The following MTHFD1L variants were observed in gnomAD, a reference collection of about 807,000 sequenced individuals.
MTHFD1L encodes monofunctional C1-tetrahydrofolate synthase, mitochondrial.
MTHFD1L carries 81 observed loss-of-function variants against 119.5 expected under a neutral mutation model. The observed-to-expected ratio is 0.68, with a 90% CI of 0.57 to 0.82. The LOEUF is 0.82. Ranked by LOEUF, MTHFD1L falls within the 40% of genes least tolerant of loss-of-function variation. The pLI is 0.00. For missense variants in MTHFD1L, 1,125 were observed against 1,253.4 expected (o/e 0.90, Z 1.55); for synonymous variants, 430 against 475.2 (o/e 0.90, Z 1.24).
chr6:150,885,547 T>C, intron 5 of MTHFD1L, 87 bp from the exon 6 acceptor site: 2 of 893,670 alleles, frequency 2.2e-6, no homozygotes, highest in Non-Finnish European at 3.7e-6. Context: ...ACTTGGATGT[T>C]ATTTGGGGTT....
intron 16 of MTHFD1L, among the ~76,000 whole-genome samples, chr6:150,955,501 T>G (rs1245945046): frequency 1.3e-5 from 1 of 77,994 alleles, no homozygotes; most frequent in Non-Finnish European, 2.9e-5. Context: ...TTGGGTTTTT[T>G]TTTTTTTTTT....
intron 20 of MTHFD1L, among the ~76,000 whole-genome samples, chr6:150,994,078 A>G (rs1779424264): frequency 7.6e-5 from 9 of 118,088 alleles, no homozygotes; most frequent in African/African-American, 4.1e-4. Context: ...AAAAAAAAAA[A>G]AAGAAAGAAA....
At chr6:150,889,871 A>G (rs13201018) in intron 7 of MTHFD1L, among the ~76,000 whole-genome samples, 9,796 of 152,202 alleles carry the variant, frequency 0.064, 389 homozygotes, top group Non-Finnish European at 0.085. Flanking sequence ...AATATATATG[A>G]TATGGCCAGG....
At chr6:151,086,211 G>T (rs118073077) in intron 26 of MTHFD1L, among the ~76,000 whole-genome samples, 1 of 152,248 alleles carries the variant, frequency 6.6e-6, no homozygotes, top group East Asian at 1.9e-4. Flanking sequence ...TCTCTACTAA[G>T]TCAAGCAAAT....
intron 8 of MTHFD1L, among the ~76,000 whole-genome samples, chr6:150,907,495 G>A (rs1786128559): frequency 6.6e-6 from 1 of 152,206 alleles, no homozygotes; most frequent in South Asian, 2.1e-4. Flanking sequence ...GCCAGGATGG[G>A]ATGTGAAAAC....
intron 20 of MTHFD1L, among the ~76,000 whole-genome samples, chr6:150,992,211 G>A (rs1779151623): frequency 6.6e-6 from 1 of 152,202 alleles, no homozygotes; most frequent in Non-Finnish European, 1.5e-5. Flanking sequence ...AGATGTGCAC[G>A]TGGTATAACC....
At chr6:150,876,608 G>T (rs554776208) in intron 2 of MTHFD1L, among the ~76,000 whole-genome samples, 9 of 152,290 alleles carry the variant, frequency 5.9e-5, no homozygotes, top group Admixed American at 2.6e-4. Flanking sequence ...AACTTAATGG[G>T]ACAAAAGTCA....
intron 7 of MTHFD1L, among the ~76,000 whole-genome samples, chr6:150,897,907 C>T (rs1275820659): frequency 1.3e-5 from 2 of 152,208 alleles, no homozygotes; most frequent in Non-Finnish European, 2.9e-5. Flanking sequence ...TGCAATGGTG[C>T]AATCTCAGCT....
At chr6:151,081,845 A>G (rs1793219580) in intron 26 of MTHFD1L, among the ~76,000 whole-genome samples, 2 of 152,196 alleles carry the variant, frequency 1.3e-5, no homozygotes, top group Non-Finnish European at 2.9e-5. Flanking sequence ...TGCGCCTTTG[A>G]TAACAAGCTG....
intron 24 of MTHFD1L, among the ~76,000 whole-genome samples, chr6:151,018,717 A>AC (rs543765483): frequency 1.6e-4 from 24 of 151,984 alleles, no homozygotes; most frequent in African/African-American, 5.1e-4. Flanking sequence ...TGACTGAGTG[A>AC]CCCCCCTGAA....
At chr6:151,003,844 G>C (rs1334286993) in intron 20 of MTHFD1L, among the ~76,000 whole-genome samples, 1 of 152,098 alleles carries the variant, frequency 6.6e-6, no homozygotes, top group African/African-American at 2.4e-5. Context: ...GGGACCGGGG[G>C]CACCACACTG....
At chr6:150,944,388 C>G in intron 13 of MTHFD1L, 98 bp from the exon 14 acceptor site, 1 of 833,054 alleles carries the variant, frequency 1.2e-6, no homozygotes, top group South Asian at 1.6e-5. Flanking sequence ...TTTGAGAATA[C>G]AGTGAGCTAT....
intron 20 of MTHFD1L, among the ~76,000 whole-genome samples, chr6:150,988,613 G>A (rs1215147717): frequency 6.6e-6 from 1 of 151,836 alleles, no homozygotes; most frequent in African/African-American, 2.4e-5. Flanking sequence ...TTTGTGGGGG[G>A]GGCGGGAGCG....
Position 150,866,059 on chromosome 6 carries a change from G to C in MTHFD1L, c.227+10G>C, listed in dbSNP as rs750082019. ...GGGACTCCATCGTCAGGTGAGTGTC[G>C]GGTCTGGCCCTGGCCCAGGTCTCCA... is the stretch of plus-strand genomic sequence containing the variant. On this transcript the variant is annotated intron_variant, in intron 1 of 27. Coordinates refer to ENST00000367321, the MANE Select transcript of MTHFD1L (RefSeq NM_015440.5). 1.3e-5 allele frequency: 19 copies of C among 1,473,154 alleles called. No homozygotes were observed. The highest frequency in any genetic ancestry group is 1.6e-5 in the Non-Finnish European group (18 of 1,119,720). 91.3% of individuals were successfully genotyped at this position (1,473,154 alleles called of 1,614,324 possible). A position where few individuals can be genotyped will look rare whatever the true frequency, so the allele number is the denominator to read the frequency against.
In MTHFD1L at chr6:150,909,885, G is replaced by T. The variant is rs547908084; in HGVS notation, c.892+4124G>T. Among the ~76,000 whole-genome samples the T allele has an allele frequency of 5.3e-5, 8 of 152,302 alleles. No individual in the cohort carries two copies. The South Asian group carries it at 1.7e-3, about 32-fold the overall frequency. ...CGTATGGCTCTGAAGGGAGACATTA[G>T]AACTTACTGGAGGCTGGGCGTGGTG... is the stretch of plus-strand genomic sequence containing the variant. On this transcript the variant is annotated intron_variant, in intron 8 of 27. Coordinates refer to ENST00000367321, the MANE Select transcript of MTHFD1L (RefSeq NM_015440.5).
intron 24 of MTHFD1L, among the ~76,000 whole-genome samples, chr6:151,024,905 A>G (rs1214527230): frequency 3.3e-5 from 5 of 152,158 alleles, no homozygotes; most frequent in Non-Finnish European, 5.9e-5. Context: ...AACACTGTAC[A>G]TGAGTGTTCC....
chr6:151,033,223 G>A (rs1024141968), intron 24 of MTHFD1L, among the ~76,000 whole-genome samples: 8 of 151,744 alleles, frequency 5.3e-5, no homozygotes, highest in African/African-American at 1.9e-4. Flanking sequence ...AGGGTCAAGC[G>A]ATTCTCCTGC....
In MTHFD1L at chr6:150,956,007, A is replaced by G; in HGVS notation, c.1739A>G (p.Asn580Ser). ...TITWQRVLDTNDRFLRKITIG... is the reference protein window; with the variant it reads ...TITWQRVLDTSDRFLRKITIG... ...TGTTCTCTTTCAGTATTGGATACAAATGACCGATTTCTACGAAAAATAACC... is the reference window on the plus strand; with the variant it reads ...TGTTCTCTTTCAGTATTGGATACAAGTGACCGATTTCTACGAAAAATAACC... Residue 580 changes from asparagine (N) to serine (S), a missense_variant, in exon 17 of 28, where the codon AAT becomes AGT. By Grantham distance (46) the Asn-to-Ser change is conservative. Around this residue, in one of 3 missense-constraint regions of MTHFD1L, gnomAD observed 1,058 missense variants for 1,151.2 expected, o/e 0.92. Transcript: ENST00000367321. The G allele has an allele frequency of 1.9e-6, 3 of 1,613,976 alleles. No individual in the cohort carries two copies. The highest frequency in any genetic ancestry group is 2.5e-6 in the Non-Finnish European group (3 of 1,179,842).
chr6:151,097,656 A>G (rs879362778), intron 27 of MTHFD1L, among the ~76,000 whole-genome samples: 6 of 152,212 alleles, frequency 3.9e-5, no homozygotes, highest in Non-Finnish European at 8.8e-5. Context: ...ATACAGTTAG[A>G]CGAAGAAATA....
Sources: allele counts gnomAD v4.1 joint callset (sites outside exome capture counted in the v4.1 genomes callset), GRCh38; gene constraint gnomAD v4.1.1; regional missense constraint gnomAD v4.1.1; transcripts MANE v1.5; gene names NCBI Gene and HGNC (gene_info 2026-07-23, HGNC 2026-07-21).